Variants in CCDC7 observed in about 807,000 individuals in gnomAD.
The protein encoded by CCDC7 is coiled-coil domain-containing protein 7.
CCDC7 carries 183 observed loss-of-function variants against 196.9 expected under a neutral mutation model. That is an observed-to-expected ratio of 0.93 (90% confidence interval 0.82 to 1.05). The LOEUF (loss-of-function observed/expected upper bound fraction) is 1.05. Among genes scored for constraint, CCDC7 ranks in the 50% least tolerant of loss-of-function variants. The probability of loss-of-function intolerance (pLI) is 0.00; values close to 1 mark genes in which losing one functional copy is unlikely to be tolerated. For missense variants in CCDC7, 1,540 were observed against 1,482.2 expected, an observed-to-expected ratio of 1.04 and a Z score of -0.64; for synonymous variants, 525 against 484.6, an observed-to-expected ratio of 1.08 and a Z score of -1.10.
chr10:32,488,329 T>C (rs1037256346), intron 8 of CCDC7, among the ~76,000 whole-genome samples: 20 of 152,208 alleles, frequency 1.3e-4, no homozygotes, highest in Non-Finnish European at 2.4e-4. Context: ...CTAAGACCAT[T>C]GGAAAAGCGC....
chr10:32,814,824 G>A (rs1462290464), intron 31 of CCDC7, among the ~76,000 whole-genome samples: 2 of 152,156 alleles, frequency 1.3e-5, no homozygotes. Context: ...GGGTTACAGT[G>A]TTAGACACAC....
chr10:32,637,605 C>T (rs376007851), intron 20 of CCDC7, among the ~76,000 whole-genome samples: 25 of 152,214 alleles, frequency 1.6e-4, no homozygotes, highest in East Asian at 1.3e-3. Context: ...GTTTTGGTAC[C>T]GGTACCATGC....
intron 18 of CCDC7, among the ~76,000 whole-genome samples, chr10:32,627,073 T>G (rs2064154141): frequency 1.3e-5 from 2 of 151,954 alleles, no homozygotes; most frequent in Admixed American, 1.3e-4. Context: ...TGTAAAATTT[T>G]TCTATGTCTG....
intron 28 of CCDC7, among the ~76,000 whole-genome samples, chr10:32,762,100 G>A (rs1321525412): frequency 6.6e-6 from 1 of 151,940 alleles, no homozygotes; most frequent in African/African-American, 2.4e-5. Context: ...ATACAATTGG[G>A]AAATAATCCA....
At chr10:32,455,308 T>C (rs1032106817) in intron 2 of CCDC7, among the ~76,000 whole-genome samples, 6 of 151,188 alleles carry the variant, frequency 4.0e-5, no homozygotes, top group Non-Finnish European at 7.4e-5. Flanking sequence ...TTTATTTATT[T>C]ATTTTATTTT....
At chr10:32,579,581 C>T (rs1450804932) in intron 16 of CCDC7, among the ~76,000 whole-genome samples, 1 of 152,052 alleles carries the variant, frequency 6.6e-6, no homozygotes, top group Non-Finnish European at 1.5e-5. Flanking sequence ...TAGGAGAGCT[C>T]ACAGCACTCA....
At chr10:32,473,821 A>G (rs548138771) in intron 7 of CCDC7, 146 bp from the exon 9 acceptor site, 1 of 624,902 alleles carries the variant, frequency 1.6e-6, no homozygotes, top group African/African-American at 1.9e-5. Flanking sequence ...CTGATTAGGA[A>G]GATCTGCAGT....
At chr10:32,756,379 G>A (rs1490397179) in intron 28 of CCDC7, among the ~76,000 whole-genome samples, 1 of 152,236 alleles carries the variant, frequency 6.6e-6, no homozygotes, top group Non-Finnish European at 1.5e-5. Context: ...TACCCACAAA[G>A]GGAAGGCCAT....
chr10:32,874,476 CT>C (rs1714054972), intron 41 of CCDC7, among the ~76,000 whole-genome samples: 1 of 151,584 alleles, frequency 6.6e-6, no homozygotes, highest in African/African-American at 2.4e-5. Flanking sequence ...CATTATACCA[CT>C]CTGTATGCCT....
intron 25 of CCDC7, among the ~76,000 whole-genome samples, chr10:32,714,331 C>T (rs1371150386): frequency 6.6e-6 from 1 of 152,136 alleles, no homozygotes; most frequent in African/African-American, 2.4e-5. Context: ...CAAGGGAAGC[C>T]GTGAGGGACT....
chr10:32,602,607 T>A lies in CCDC7; in HGVS notation c.1801+18303T>A, dbSNP rs1052578496. Among the ~76,000 whole-genome samples, 4 of 152,224 alleles carry A rather than the reference T, an allele frequency of 2.6e-5. No individual in the cohort carries two copies. In the South Asian group the frequency reaches 8.3e-4, roughly 31 times the overall value. ...CTTAATTTTATTTATTTATTTATTT[T>A]GCCTCATACACTTTTTCTTTTCTTA... is the stretch of plus-strand genomic sequence containing the variant. On this transcript the variant is annotated intron_variant, in intron 18 of 41. Transcript: ENST00000639629.
At chr10:32,754,727 G>T (rs901205995) in intron 28 of CCDC7, among the ~76,000 whole-genome samples, 17 of 152,134 alleles carry the variant, frequency 1.1e-4, no homozygotes, top group South Asian at 2.1e-4. Context: ...TGGGTGATTT[G>T]TGCATTTTCA....
intron 33 of CCDC7, among the ~76,000 whole-genome samples, chr10:32,836,589 A>T (rs2092620819): frequency 6.6e-6 from 1 of 152,106 alleles, no homozygotes; most frequent in Admixed American, 6.6e-5. Flanking sequence ...CTGGTGTGAG[A>T]TGGTATCTCA....
Position 32,511,506 on chromosome 10 carries a change from TA to T in CCDC7, c.873-6438del, listed in dbSNP as rs2046200778. Reference sequence around the variant, plus strand: ...AATTCCTGTTTTACTGGATGTTCCTTAGGATTAACTCCTTGGGTTGCCAAAT... The same window carrying T: ...AATTCCTGTTTTACTGGATGTTCCTTGGATTAACTCCTTGGGTTGCCAAAT... On this transcript the variant is annotated intron_variant, in intron 9 of 41. Transcript: ENST00000639629. 4.4e-6 allele frequency: 7 copies of T among 1,602,346 alleles called. No homozygotes were observed. The Admixed American group carries it at 1.0e-4, about 23-fold the overall frequency.
At chr10:32,607,560 T>A (rs2061673361) in intron 18 of CCDC7, among the ~76,000 whole-genome samples, 1 of 152,124 alleles carries the variant, frequency 6.6e-6, no homozygotes, top group Admixed American at 6.5e-5. Flanking sequence ...TTTTATCAAG[T>A]TTTTTCAGTA....
intron 28 of CCDC7, among the ~76,000 whole-genome samples, chr10:32,745,389 C>T (rs944251180): frequency 6.6e-6 from 1 of 152,164 alleles, no homozygotes; most frequent in Non-Finnish European, 1.5e-5. Flanking sequence ...AGCATGGTGT[C>T]AGCATCTGCT....
chr10:32,819,391 G>T (rs892952244), intron 31 of CCDC7, among the ~76,000 whole-genome samples: 1 of 152,190 alleles, frequency 6.6e-6, no homozygotes, highest in Non-Finnish European at 1.5e-5. Context: ...GAGGTAAAAG[G>T]TGGAGCTGTT....
At chr10:32,853,951 A>G (rs1565718251) in intron 40 of CCDC7, among the ~76,000 whole-genome samples, 1 of 152,148 alleles carries the variant, frequency 6.6e-6, no homozygotes, top group African/African-American at 2.4e-5. Flanking sequence ...ACTGCATGAC[A>G]TTGAGGTTTG....
intron 24 of CCDC7, among the ~76,000 whole-genome samples, chr10:32,704,123 GT>G (rs1047109836): frequency 6.6e-6 from 1 of 152,056 alleles, no homozygotes; most frequent in African/African-American, 2.4e-5. Flanking sequence ...TTTCTGCTTT[GT>G]TTTTTCCCCA....
Sources: gnomAD v4.1 joint callset for allele counts (sites outside exome capture counted in the v4.1 genomes callset) on GRCh38, gnomAD v4.1.1 for gene constraint, MANE v1.5 for transcripts, NCBI Gene and HGNC (gene_info 2026-07-23, HGNC 2026-07-21) for gene names.